The following AIPL1 variants were observed in gnomAD, a reference collection of about 807,000 sequenced individuals.
The protein encoded by AIPL1 is AIP like 1 HSP90 co-chaperone, also known as aryl-hydrocarbon-interacting protein-like 1.
Under a neutral mutation model 32.9 loss-of-function variants are expected in AIPL1, and 23 were observed. The ratio of observed to expected loss-of-function variants is 0.70; its 90% CI spans 0.50 to 0.99. The LOEUF is 0.99. AIPL1 is among the 50% of genes least tolerant of loss of function. AIPL1 has a pLI of 0.00. For missense variants in AIPL1, 485 were observed against 506.0 expected, an observed-to-expected ratio of 0.96 and a Z score of 0.40; for synonymous variants, 210 against 209.4, an observed-to-expected ratio of 1.00 and a Z score of -0.02.
At chr17:6,434,868 A>C (rs1351803699) in intron 1 of AIPL1, 141 bp downstream of exon 1, 3 of 1,437,976 alleles carry the variant, frequency 2.1e-6, no homozygotes, top group Non-Finnish European at 2.8e-6. Context: ...AAACGCTGGG[A>C]GCTCCCCGGA....
chr17:6,430,093 G>A (rs892922296), intron 2 of AIPL1, among the ~76,000 whole-genome samples: 8 of 148,752 alleles, frequency 5.4e-5, no homozygotes, highest in South Asian at 2.2e-4. Context: ...GTGTGCATGC[G>A]TACATGCACA....
intron 3 of AIPL1, 83 bp downstream of exon 3, chr17:6,428,235 C>A (rs1174050739): frequency 1.6e-5 from 23 of 1,473,724 alleles, no homozygotes; most frequent in Non-Finnish European, 9.4e-6. Context: ...GTCCAGTGGC[C>A]AGTGGGGTGG....
chr17:6,425,094 T>G lies in AIPL1; in HGVS notation c.*366A>C. The G allele has an allele frequency of 5.7e-6, 1 of 176,632 alleles. No homozygotes were observed. The highest frequency in any genetic ancestry group is 1.2e-5 in the Non-Finnish European group (1 of 85,044). The allele number at this position is 176,632 out of a possible 1,614,324, so 10.9% of individuals were successfully genotyped here. On this transcript the variant is annotated 3_prime_UTR_variant, in exon 6 of 6. Transcript: ENST00000381129. Reference sequence around the variant, plus strand: ...TCCAAAATGGGGAGACAGGGAGGGGTATCAGGCATGAGAAAGGATCAGAGC... The same window carrying G: ...TCCAAAATGGGGAGACAGGGAGGGGGATCAGGCATGAGAAAGGATCAGAGC...
intron 5 of AIPL1, 180 bp from the exon 6 acceptor site, chr17:6,426,010 T>TA (rs1404438589): frequency 9.8e-7 from 1 of 1,018,636 alleles, no homozygotes; most frequent in Non-Finnish European, 1.4e-6. Flanking sequence ...ATAATAGCAG[T>TA]ACCTCCTCCT....
Position 6,425,516 on chromosome 17 carries a change from G to C in AIPL1, c.1099C>G (p.Pro367Ala). Residue 367 changes from proline to alanine, a missense_variant, in exon 6 of 6, where the codon CCT becomes GCT. Coordinates refer to ENST00000381129, the MANE Select transcript of AIPL1 (RefSeq NM_014336.5). ...GGTGGCTCTGTGGCTGGCTCTGCAG[G>C]GGGCCCTGCGGACAGCTCTGCAGAT... Reference protein sequence around the residue: ...APSAELSAGPPAEPATEPPPS... With the variant: ...APSAELSAGPAAEPATEPPPS... The C allele has an allele frequency of 6.2e-7, 1 of 1,610,492 alleles. No individual in the cohort carries two copies. Among genetic ancestry groups the C allele is most frequent in the African/African-American group, 1.3e-5 (1 of 74,800 alleles).
chr17:6,426,126 C>T, intron 5 of AIPL1: 1 of 1,316,218 alleles, frequency 7.6e-7, no homozygotes, highest in South Asian at 1.8e-5. Context: ...CCCTGCACCT[C>T]CCTCATATGG....
intron 5 of AIPL1, 181 bp downstream of exon 5, chr17:6,426,434 G>A (rs977898044): frequency 3.4e-6 from 5 of 1,462,594 alleles, no homozygotes; most frequent in Admixed American, 4.7e-5. Flanking sequence ...GCCGCCCCGC[G>A]CCAAGCACTG....
In AIPL1 at chr17:6,426,739, C is replaced by T. The variant is rs974075633; in HGVS notation, c.660G>A (p.Val220=). ...NLQTKEKPWE[V]QWLKLEKMIN... Reference sequence around the variant, plus strand: ...TCATCTTCTCCAGCTTCAGCCACTGCACCTCCCATGGCTTCTCCTGCCCAG... The same window carrying T: ...TCATCTTCTCCAGCTTCAGCCACTGTACCTCCCATGGCTTCTCCTGCCCAG... Residue 220 remains valine, a synonymous_variant, in exon 5 of 6, where the codon GTG becomes GTA. Coordinates refer to ENST00000381129, the MANE Select transcript of AIPL1 (RefSeq NM_014336.5). The T allele has an allele frequency of 1.1e-5, 17 of 1,613,958 alleles. No individual in the cohort carries two copies. The highest frequency in any genetic ancestry group is 3.3e-5 in the Admixed American group (2 of 60,024).
At chr17:6,426,333 C>T in intron 5 of AIPL1, 1 of 1,394,366 alleles carries the variant, frequency 7.2e-7, no homozygotes, top group Non-Finnish European at 9.3e-7. Context: ...TTGATTGCCC[C>T]TCTTTTTTAA....
chr17:6,427,187 G>T, intron 3 of AIPL1, 130 bp from the exon 4 acceptor site: 2 of 1,040,052 alleles, frequency 1.9e-6, no homozygotes, highest in Non-Finnish European at 1.4e-6. Flanking sequence ...ATACAGACAA[G>T]GGAAAGAAGC....
intron 2 of AIPL1, among the ~76,000 whole-genome samples, chr17:6,433,611 T>TCTCTCTCTCTCTCTCTCTCTCA (rs758622569): frequency 9.4e-6 from 1 of 106,258 alleles, no homozygotes; most frequent in African/African-American, 3.7e-5. Flanking sequence ...TCTCTCTCTC[T>TCTCTCTCTCTCTCTCTCTCTCA]CACACACACA....
Position 6,426,663 on chromosome 17 carries a change from ACTC to A in AIPL1, c.733_735del (p.Glu245del), listed in dbSNP as rs1200311161. 11 of 1,614,008 alleles carry A rather than the reference ACTC, an allele frequency of 6.8e-6. No homozygotes were observed. The highest frequency in any genetic ancestry group is 2.2e-5 in the South Asian group (2 of 91,066). On this transcript the variant is annotated inframe_deletion, in exon 5 of 6. Transcript: ENST00000381129. ...CTGGTGTGCTCCAGCACCTCATAGTACTCCTCCTTCTTCAGCAGGCACTGGCAG... is the reference window on the plus strand; with the variant it reads ...CTGGTGTGCTCCAGCACCTCATAGTACTCCTTCTTCAGCAGGCACTGGCAG...
At position 6,429,844 on chromosome 17, in the gene AIPL1, A is replaced by G. The variant is rs548536455; in HGVS notation, c.277-1338T>C. On this transcript the variant is annotated intron_variant, in intron 2 of 5. Coordinates refer to ENST00000381129, the MANE Select transcript of AIPL1 (RefSeq NM_014336.5). Reference sequence around the variant, plus strand: ...GGTAGGTAGATAGATAGATAGATAGATAGATAGATAGATAGATAGATAGAT... The same window carrying G: ...GGTAGGTAGATAGATAGATAGATAGGTAGATAGATAGATAGATAGATAGAT... 2.3e-3 allele frequency among the ~76,000 whole-genome samples: 347 copies of G among 149,458 alleles called. 3 individuals are homozygous for G. Among genetic ancestry groups the G allele is most frequent in the African/African-American group, 7.7e-3 (308 of 39,848 alleles).
In AIPL1 at chr17:6,426,992, C is replaced by T. The variant is rs902464819; in HGVS notation, c.531G>A (p.Ala177=). The T allele has an allele frequency of 2.7e-5, 43 of 1,614,094 alleles. No homozygotes were observed. The highest frequency in any genetic ancestry group is 3.4e-5 in the Non-Finnish European group (40 of 1,180,058). ...WNLSNHEKMK[A]VPVLHGEGNR... is the part of the protein sequence containing the mutation. ...TTCCCTCTCCGTGGAGGACGGGCAC[C>T]GCCTTCATCTTCTCATGATTGCTCA... The change falls in exon 4 of 6, where the codon GCG becomes GCA. Residue 177 remains alanine (A), a synonymous_variant. Transcript: ENST00000381129.
In AIPL1 at chr17:6,432,373, C is replaced by CAA. The variant is rs58253836; in HGVS notation, c.276+1544_276+1545dup. On this transcript the variant is annotated intron_variant, in intron 2 of 5. Transcript: ENST00000381129. ...CTGGCTACAGAGCAAGACTCCGTCT[C>CAA]AAAAAAAAAAAGAAAGAAAGAAAAG... 5.6e-3 allele frequency among the ~76,000 whole-genome samples: 774 copies of CAA among 138,194 alleles called. 6 individuals are homozygous for CAA. The highest frequency in any genetic ancestry group is 0.02 in the African/African-American group (714 of 36,186). The allele number at this position is 138,194 out of a possible 152,430, so 90.7% of individuals were successfully genotyped here.
In AIPL1 at chr17:6,426,848, G is replaced by A. The variant is rs554867993; in HGVS notation, c.642+33C>T. The A allele has an allele frequency of 3.0e-5, 49 of 1,613,160 alleles. No individual in the cohort carries two copies. In the South Asian group the frequency reaches 4.7e-4, roughly 16 times the overall value. ...ACTGGGCAGGCCCCCCAGAGTCAGCGCCACTTCCCACCCCTGGCCAGCGGC... is the reference window on the plus strand; with the variant it reads ...ACTGGGCAGGCCCCCCAGAGTCAGCACCACTTCCCACCCCTGGCCAGCGGC... On this transcript the variant is annotated intron_variant, in intron 4 of 5. Coordinates refer to ENST00000381129, the MANE Select transcript of AIPL1 (RefSeq NM_014336.5).
At chr17:6,426,256 A>G (rs1189325502) in intron 5 of AIPL1, 1 of 1,300,764 alleles carries the variant, frequency 7.7e-7, no homozygotes, top group Non-Finnish European at 9.8e-7. Flanking sequence ...AGTCAATACT[A>G]GTACTGACGG....
intron 2 of AIPL1, among the ~76,000 whole-genome samples, chr17:6,433,586 ATCTCTCTC>A (rs149646818): frequency 1.5e-5 from 1 of 65,620 alleles, no homozygotes; most frequent in Non-Finnish European, 2.9e-5. Context: ...GCGAGACCCT[ATCTCTCTC>A]TCTCTCTCTC....
intron 2 of AIPL1, among the ~76,000 whole-genome samples, chr17:6,432,873 C>T (rs973888628): frequency 6.6e-6 from 1 of 152,136 alleles, no homozygotes; most frequent in African/African-American, 2.4e-5. Context: ...TCGTGATCTG[C>T]CCGCCTCAGT....
Sources: gnomAD v4.1 joint callset for allele counts (sites outside exome capture counted in the v4.1 genomes callset) on GRCh38, gnomAD v4.1.1 for gene constraint, MANE v1.5 for transcripts, NCBI Gene and HGNC (gene_info 2026-07-23, HGNC 2026-07-21) for gene names.